The following TBC1D4 variants were observed in gnomAD, a reference collection of about 807,000 sequenced individuals.
TBC1D4 encodes TBC1 domain family member 4.
A neutral mutation model predicts 142.5 loss-of-function variants in TBC1D4; 121 were observed. The observed-to-expected ratio is 0.85, with a 90% CI of 0.73 to 0.99. The LOEUF is 0.99. Among genes scored for constraint, TBC1D4 ranks in the 50% least tolerant of loss-of-function variants. The pLI is 0.00. For missense variants in TBC1D4, 1,475 were observed against 1,606.6 expected, an observed-to-expected ratio of 0.92 and a Z score of 1.40; for synonymous variants, 630 against 628.2, an observed-to-expected ratio of 1.00 and a Z score of -0.04.
At chr13:75,375,300 C>T (rs1238240976) in intron 1 of TBC1D4, among the ~76,000 whole-genome samples, 1 of 152,218 alleles carries the variant, frequency 6.6e-6, no homozygotes, top group East Asian at 1.9e-4. Flanking sequence ...AGCTCTTCGT[C>T]TCCTCCAATT....
At chr13:75,430,494 T>C (rs186283840) in intron 1 of TBC1D4, among the ~76,000 whole-genome samples, 263 of 152,346 alleles carry the variant, frequency 1.7e-3, no homozygotes, top group African/African-American at 6.2e-3. Flanking sequence ...TTTCCAAATA[T>C]GACCAAAGGG....
chr13:75,363,714 G>A (rs1235343403), intron 1 of TBC1D4, among the ~76,000 whole-genome samples: 2 of 152,184 alleles, frequency 1.3e-5, no homozygotes, highest in Admixed American at 6.5e-5. Flanking sequence ...TGTGTCACAG[G>A]TGCGCATCCT....
At chr13:75,376,803 G>A (rs1202684451) in intron 1 of TBC1D4, among the ~76,000 whole-genome samples, 1 of 152,110 alleles carries the variant, frequency 6.6e-6, no homozygotes, top group African/African-American at 2.4e-5. Flanking sequence ...TATTATTCTG[G>A]TACAGTCACA....
intron 1 of TBC1D4, among the ~76,000 whole-genome samples, chr13:75,439,792 C>T (rs1886959477): frequency 6.6e-6 from 1 of 151,854 alleles, no homozygotes; most frequent in African/African-American, 2.4e-5. Context: ...ATCCCAGCTA[C>T]TCGGGAGGCT....
intron 1 of TBC1D4, chr13:75,377,123 A>T (rs1230017697): frequency 2.0e-5 from 3 of 152,224 alleles, no homozygotes; most frequent in Admixed American, 6.5e-5. Flanking sequence ...GCAACACAAG[A>T]TTCTCTAGTT....
At chr13:75,473,609 A>G (rs749892818) in intron 1 of TBC1D4, among the ~76,000 whole-genome samples, 5 of 152,234 alleles carry the variant, frequency 3.3e-5, no homozygotes, top group Non-Finnish European at 7.3e-5. Flanking sequence ...GCAGCAGCCA[A>G]TGTAGGCTCC....
intron 1 of TBC1D4, among the ~76,000 whole-genome samples, chr13:75,402,233 T>A (rs1156856464): frequency 6.6e-6 from 1 of 152,228 alleles, no homozygotes; most frequent in East Asian, 1.9e-4. Flanking sequence ...ACATAAGATA[T>A]ATTATCAAAT....
intron 1 of TBC1D4, among the ~76,000 whole-genome samples, chr13:75,372,300 T>C (rs1160540478): frequency 6.6e-6 from 1 of 151,178 alleles, no homozygotes; most frequent in Non-Finnish European, 1.5e-5. Context: ...ACCAAGTCTC[T>C]CTCTGTCACC....
intron 1 of TBC1D4, among the ~76,000 whole-genome samples, chr13:75,476,672 C>G (rs1888642287): frequency 1.3e-5 from 2 of 152,156 alleles, no homozygotes; most frequent in Admixed American, 1.3e-4. Flanking sequence ...CCTCACATTC[C>G]ACTTGAACTT....
At chr13:75,373,139 T>C (rs773116679) in intron 1 of TBC1D4, among the ~76,000 whole-genome samples, 3 of 152,198 alleles carry the variant, frequency 2.0e-5, no homozygotes, top group Non-Finnish European at 2.9e-5. Context: ...GATCTGGACA[T>C]GACAAACTCT....
At chr13:75,428,121 C>T (rs1014691204) in intron 1 of TBC1D4, among the ~76,000 whole-genome samples, 1 of 152,118 alleles carries the variant, frequency 6.6e-6, no homozygotes, top group African/African-American at 2.4e-5. Context: ...ACACAAAATT[C>T]AGCCTTCATT....
intron 1 of TBC1D4, among the ~76,000 whole-genome samples, chr13:75,415,951 T>C (rs542721482): frequency 2.0e-4 from 30 of 152,318 alleles, no homozygotes; most frequent in African/African-American, 7.2e-4. Flanking sequence ...CTTTATGAAA[T>C]TCAAGGGTCA....
chr13:75,284,962 C>G lies in TBC1D4; in HGVS notation c.*1830G>C, dbSNP rs920835552. ...CCCCAACAGATTCCTTGGCTACCAT[C>G]GGTGCATCACACCCATAAAGTAATT... On this transcript the variant is annotated 3_prime_UTR_variant, in exon 21 of 21. Coordinates refer to ENST00000377636, the MANE Select transcript of TBC1D4 (RefSeq NM_014832.5). The G allele has an allele frequency of 6.6e-6, 1 of 152,068 alleles. No individual in the cohort carries two copies. Among genetic ancestry groups the G allele is most frequent in the Admixed American group, 6.6e-5 (1 of 15,262 alleles). The allele number at this position is 152,068 out of a possible 1,614,324, so 9.4% of individuals were successfully genotyped here.
chr13:75,411,980 T>C (rs1885691495), intron 1 of TBC1D4, among the ~76,000 whole-genome samples: 1 of 152,216 alleles, frequency 6.6e-6, no homozygotes, highest in South Asian at 2.1e-4. Context: ...CTTACTGAAA[T>C]GTCACTAGTC....
At chr13:75,390,667 T>C (rs1250169128) in intron 1 of TBC1D4, among the ~76,000 whole-genome samples, 1 of 152,108 alleles carries the variant, frequency 6.6e-6, no homozygotes, top group East Asian at 1.9e-4. Context: ...TTAAGGATGC[T>C]GCATGTGACC....
At chr13:75,387,877 T>C (rs1884266514) in intron 1 of TBC1D4, among the ~76,000 whole-genome samples, 1 of 152,242 alleles carries the variant, frequency 6.6e-6, no homozygotes, top group African/African-American at 2.4e-5. Context: ...ACAAACTTCA[T>C]TTATTACCTT....
chr13:75,410,134 T>C (rs1885566940), intron 1 of TBC1D4, among the ~76,000 whole-genome samples: 1 of 152,340 alleles, frequency 6.6e-6, no homozygotes, highest in South Asian at 2.1e-4. Flanking sequence ...TAACGGTGTA[T>C]GCTCATGATA....
At chr13:75,292,398 C>G in intron 18 of TBC1D4, 127 bp from the exon 19 acceptor site, 1 of 729,542 alleles carries the variant, frequency 1.4e-6, no homozygotes, top group Non-Finnish European at 2.2e-6. Flanking sequence ...TGGTCAAAAG[C>G]ATCTAGCTTT....
chr13:75,469,544 G>A lies in TBC1D4; in HGVS notation c.498+11726C>T, dbSNP rs183543239. Among the ~76,000 whole-genome samples the A allele has an allele frequency of 2.0e-5, 3 of 152,314 alleles. No individual in the cohort carries two copies. The East Asian group carries it at 5.8e-4, about 29-fold the overall frequency. The stretch of plus-strand genomic sequence containing the variant: ...CCAGCACTTTAGGGGGCTGAAGCAA[G>A]AGGACTGCTTGAGCCCAGGAGTTTG... On this transcript the variant is annotated intron_variant, in intron 1 of 20. Transcript: ENST00000377636.
Sources: gnomAD v4.1 joint callset for allele counts (sites outside exome capture counted in the v4.1 genomes callset) on GRCh38, gnomAD v4.1.1 for gene constraint, MANE v1.5 for transcripts, NCBI Gene and HGNC (gene_info 2026-07-23, HGNC 2026-07-21) for gene names.